The following BRD4 variants were observed in gnomAD, a reference collection of about 807,000 sequenced individuals.
BRD4 encodes the protein bromodomain containing 4, also known as bromodomain-containing protein 4.
Under a neutral mutation model 142.1 loss-of-function variants are expected in BRD4, and 16 were observed. The observed-to-expected ratio is 0.11, with a 90% confidence interval of 0.08 to 0.17. The LOEUF is 0.17. Ranked by LOEUF, BRD4 falls within the 10% of genes least tolerant of loss-of-function variation. BRD4 has a pLI of 1.00. For synonymous variants in BRD4, 833 were observed against 707.5 expected (o/e 1.18, Z -2.82); for missense variants, 1,424 against 1,810.9 (o/e 0.79, Z 3.88).
Position 15,240,012 on chromosome 19 carries a change from G to C in BRD4, c.3180C>G (p.Arg1060=), listed in dbSNP as rs376613701. Residue 1060 remains arginine (R), a synonymous_variant, in exon 15 of 20, where the codon CGC becomes CGG. Transcript: ENST00000679869. ...GTATCATAAGCGGGGAGGGGGCTTC[G>C]CGGAGGTGACCTAGGAGAAGGGACA... is the stretch of plus-strand genomic sequence containing the variant. ...KSDPYSTGHL[R]EAPSPLMIHS... 1.3e-5 allele frequency: 21 copies of C among 1,611,194 alleles called. No individual in the cohort carries two copies. The African/African-American group carries it at 2.7e-4, about 20-fold the overall frequency.
chr19:15,281,261 A>G (rs1599484942), intron 1 of BRD4, among the ~76,000 whole-genome samples: 1 of 151,678 alleles, frequency 6.6e-6, no homozygotes, highest in Non-Finnish European at 1.5e-5. Context: ...GGGCCCCATT[A>G]CCTCTTGACT....
At position 15,273,056 on chromosome 19, in the gene BRD4, G is replaced by A. The variant is rs369254108; in HGVS notation, c.44C>T (p.Pro15Leu). The A allele has an allele frequency of 1.2e-6, 2 of 1,610,588 alleles. No individual in the cohort carries two copies. The highest frequency in any genetic ancestry group is 2.7e-5 in the African/African-American group (2 of 74,800). ...SGPGTRLRNL[P>L]VMGDGLETSQ... Reference sequence around the variant, plus strand: ...AGTTTCTAGTCCATCCCCCATTACTGGCAGATTTCTCAATCTCGTCCCAGG... The same window carrying A: ...AGTTTCTAGTCCATCCCCCATTACTAGCAGATTTCTCAATCTCGTCCCAGG... Residue 15 changes from proline to leucine, a missense_variant, in exon 2 of 20, where the codon CCA becomes CTA. Physicochemically the swap from Pro to Leu is moderately conservative, Grantham distance 98. This residue lies in a region of BRD4 where 70 missense variants were observed against 69.8 expected (regional missense o/e 1.00). Coordinates refer to ENST00000679869, the MANE Select transcript of BRD4 (RefSeq NM_001379291.1).
At chr19:15,314,745 C>T (rs1599521427) in intron 1 of BRD4, among the ~76,000 whole-genome samples, 2 of 152,198 alleles carry the variant, frequency 1.3e-5, no homozygotes, top group Admixed American at 1.3e-4. Context: ...CAAAGGCCCA[C>T]TTACCACAGG....
intron 1 of BRD4, among the ~76,000 whole-genome samples, chr19:15,327,802 T>C (rs1014432672): frequency 6.0e-5 from 9 of 150,382 alleles, no homozygotes; most frequent in African/African-American, 2.2e-4. Flanking sequence ...GTAGGATTCC[T>C]GAAATATCCA....
chr19:15,328,877 G>A (rs149980862), intron 1 of BRD4, among the ~76,000 whole-genome samples: 1 of 152,156 alleles, frequency 6.6e-6, no homozygotes, highest in South Asian at 2.1e-4. Context: ...GGGTTCAAGC[G>A]ATTCTCCTGC....
Position 15,269,033 on chromosome 19 carries a change from T to G in BRD4, c.295A>C (p.Lys99Gln). The G allele has an allele frequency of 6.2e-7, 1 of 1,614,126 alleles. No homozygotes were observed. The highest frequency in any genetic ancestry group is 8.5e-7 in the Non-Finnish European group (1 of 1,180,012). Residue 99 changes from lysine (K) to glutamine (Q), a missense_variant, in exon 3 of 20, where the codon AAG becomes CAG. Transcript: ENST00000679869. ...AVKLNLPDYY[K>Q]IIKTPMDMGT... ...ATATCCATAGGCGTTTTAATGATCT[T>G]ATAGTAATCCTGGAGAGCAGAGAGC...
intron 2 of BRD4, among the ~76,000 whole-genome samples, chr19:15,271,151 C>T (rs2047583301): frequency 6.6e-6 from 1 of 152,158 alleles, no homozygotes; most frequent in Non-Finnish European, 1.5e-5. Context: ...TGCTGCTTCT[C>T]GGCAATCTCA....
Position 15,332,441 on chromosome 19 carries a change from AGCCGCTGCC to A in BRD4, c.-195_-187del, listed in dbSNP as rs1056630451. On this transcript the variant is annotated 5_prime_UTR_variant, in exon 1 of 20. Transcript: ENST00000679869. The stretch of plus-strand genomic sequence containing the variant: ...CGCGGGCACCGCCGGCAGCCGCCGC[AGCCGCTGCC>A]GCCGCCACTGCTTCGGCTCCTCGGC... 1 of 145,150 alleles carries A rather than the reference AGCCGCTGCC, an allele frequency of 6.9e-6. No homozygotes were observed. The highest frequency in any genetic ancestry group is 3.5e-3 in the Middle Eastern group (1 of 288). 9.0% of individuals were successfully genotyped at this position (145,150 alleles called of 1,614,324 possible).
At chr19:15,289,102 C>T (rs2047761942) in intron 1 of BRD4, among the ~76,000 whole-genome samples, 3 of 152,172 alleles carry the variant, frequency 2.0e-5, no homozygotes, top group South Asian at 4.1e-4. Context: ...CCCCACTCCC[C>T]GACACAGGCC....
intron 1 of BRD4, among the ~76,000 whole-genome samples, chr19:15,303,011 A>C (rs1224017423): frequency 2.0e-5 from 3 of 150,936 alleles, no homozygotes; most frequent in Non-Finnish European, 4.4e-5. Flanking sequence ...CCGTCGCAAA[A>C]AAAAAAAAAA....
intron 1 of BRD4, among the ~76,000 whole-genome samples, chr19:15,278,604 T>TG (rs1351419285): frequency 1.4e-5 from 2 of 141,478 alleles, no homozygotes; most frequent in Non-Finnish European, 1.5e-5. Context: ...TATATATTCC[T>TG]GTTTTTTTTT....
intron 11 of BRD4, chr19:15,253,774 G>GT: frequency 6.3e-7 from 1 of 1,597,538 alleles, no homozygotes; most frequent in East Asian, 2.2e-5. Flanking sequence ...GTCTCCACTG[G>GT]TGCAGAAAGC....
intron 1 of BRD4, among the ~76,000 whole-genome samples, chr19:15,312,884 G>A (rs1030082758): frequency 2.6e-5 from 4 of 151,728 alleles, no homozygotes; most frequent in Admixed American, 6.6e-5. Context: ...TGCAGTGAGC[G>A]GAGGTCATGT....
intron 6 of BRD4, 81 bp from the exon 7 acceptor site, chr19:15,263,629 G>A (rs2047498847): frequency 1.9e-6 from 3 of 1,560,912 alleles, no homozygotes; most frequent in Non-Finnish European, 2.6e-6. Flanking sequence ...CGAAAGGGAT[G>A]CCTAGAAGAG....
intron 1 of BRD4, among the ~76,000 whole-genome samples, chr19:15,323,099 T>A (rs1275080959): frequency 1.4e-5 from 2 of 139,826 alleles, no homozygotes; most frequent in Non-Finnish European, 3.0e-5. Context: ...TCCAATTAAT[T>A]GGGAGGCTGA....
At chr19:15,242,206 C>A (rs1028983739) in intron 14 of BRD4, among the ~76,000 whole-genome samples, 15 of 152,210 alleles carry the variant, frequency 9.9e-5, no homozygotes, top group Non-Finnish European at 1.9e-4. Context: ...CCAAGACAGG[C>A]AGCACCATCT....
chr19:15,259,793 G>A (rs1328227487), intron 7 of BRD4, among the ~76,000 whole-genome samples: 1 of 152,238 alleles, frequency 6.6e-6, no homozygotes, highest in African/African-American at 2.4e-5. Flanking sequence ...GCTCAGTCTA[G>A]CTGGAAACAG....
chr19:15,307,644 G>A (rs922650844), intron 1 of BRD4, among the ~76,000 whole-genome samples: 9 of 152,226 alleles, frequency 5.9e-5, no homozygotes, highest in South Asian at 2.1e-4. Context: ...GCCTGGGCGC[G>A]GAAGTGAGCA....
chr19:15,255,284 G>A lies in BRD4; in HGVS notation c.2047+13C>T. 1 of 1,604,804 alleles carries A rather than the reference G, an allele frequency of 6.2e-7. No individual in the cohort carries two copies. The highest frequency in any genetic ancestry group is 1.7e-5 in the Admixed American group (1 of 59,760). On this transcript the variant is annotated intron_variant, in intron 10 of 19. Coordinates refer to ENST00000679869, the MANE Select transcript of BRD4 (RefSeq NM_001379291.1). ...CACAGAAGGAACCCCATGCCCAGGG[G>A]GCCCAAGCACACCTTGAGGTTTCCT...
Sources: gnomAD v4.1 joint callset for allele counts (sites outside exome capture counted in the v4.1 genomes callset) on GRCh38, gnomAD v4.1.1 for gene constraint, gnomAD v4.1.1 regional missense constraint, MANE v1.5 for transcripts, NCBI Gene and HGNC (gene_info 2026-07-23, HGNC 2026-07-21) for gene names.